MAPK6: variants seen among roughly 807,000 people sequenced by gnomAD.
MAPK6 encodes the protein ERK-3.
A neutral mutation model predicts 59.3 loss-of-function variants in MAPK6; 19 were observed. That is an observed-to-expected ratio of 0.32 (90% CI 0.22 to 0.47). The LOEUF (loss-of-function observed/expected upper bound fraction) is 0.47. Among genes scored for constraint, MAPK6 ranks in the 20% least tolerant of loss-of-function variants. MAPK6 has a pLI of 1.00. For missense variants in MAPK6, 724 were observed against 847.9 expected, an observed-to-expected ratio of 0.85 and a Z score of 1.81; for synonymous variants, 316 against 290.3, an observed-to-expected ratio of 1.09 and a Z score of -0.90.
chr15:52,000,757 G>A (rs753952869), intron 2 of MAPK6, among the ~76,000 whole-genome samples: 27 of 151,576 alleles, frequency 1.8e-4, no homozygotes, highest in Non-Finnish European at 3.4e-4. Flanking sequence ...CCGAGATCAC[G>A]CCACTGCACT....
intron 1 of MAPK6, among the ~76,000 whole-genome samples, chr15:52,038,353 C>A (rs1449784689): frequency 6.6e-6 from 1 of 152,066 alleles, no homozygotes; most frequent in Non-Finnish European, 1.5e-5. Flanking sequence ...TTGCATTTAC[C>A]CACTCCCTTG....
At chr15:52,024,878 C>CTTTTTT (rs35983896) in intron 1 of MAPK6, among the ~76,000 whole-genome samples, 3 of 84,158 alleles carry the variant, frequency 3.6e-5, no homozygotes, top group Admixed American at 1.8e-4. Context: ...CATACACTGC[C>CTTTTTT]TTTTTTTTTT....
At position 52,065,312 on chromosome 15, in the gene MAPK6, G is replaced by A. The variant is rs1384907974; in HGVS notation, c.*312G>A. The A allele has an allele frequency of 9.2e-6, 2 of 216,404 alleles. No individual in the cohort carries two copies. Among genetic ancestry groups the A allele is most frequent in the Non-Finnish European group, 1.8e-5 (2 of 110,440 alleles). The allele number at this position is 216,404 out of a possible 1,614,324, so 13.4% of individuals were successfully genotyped here. ...ATCTGTTTTACAGGAAACAAACCTT[G>A]CCTTGAAATTTACACAGTGAGACTG... On this transcript the variant is annotated 3_prime_UTR_variant, in exon 6 of 6. Coordinates refer to ENST00000261845, the MANE Select transcript of MAPK6 (RefSeq NM_002748.4).
chr15:52,023,106 CAAAAAAAA>C (rs60315520), intron 1 of MAPK6, among the ~76,000 whole-genome samples: 2 of 73,652 alleles, frequency 2.7e-5, no homozygotes, highest in Non-Finnish European at 4.9e-5. Context: ...GACTCCGTCT[CAAAAAAAA>C]AAAAAAAAAA....
intron 2 of MAPK6, among the ~76,000 whole-genome samples, chr15:51,996,654 C>A (rs2057225100): frequency 1.3e-5 from 2 of 152,062 alleles, no homozygotes; most frequent in South Asian, 4.1e-4. Context: ...TCTGGGCCTC[C>A]CAAAGCACTA....
At chr15:51,975,495 C>T (rs1250011452) in intron 1 of MAPK6, among the ~76,000 whole-genome samples, 3 of 151,216 alleles carry the variant, frequency 2.0e-5, no homozygotes, top group Admixed American at 6.6e-5. Flanking sequence ...GAGCCAAGAT[C>T]GCGCCACTGC....
At chr15:52,028,855 C>G (rs1048514221) in intron 1 of MAPK6, among the ~76,000 whole-genome samples, 15 of 152,234 alleles carry the variant, frequency 9.9e-5, no homozygotes, top group African/African-American at 3.4e-4. Context: ...AGATTGGCCT[C>G]CATTCTTACC....
chr15:51,991,535 T>C (rs1208683368), intron 2 of MAPK6, among the ~76,000 whole-genome samples: 1 of 152,202 alleles, frequency 6.6e-6, no homozygotes, highest in Non-Finnish European at 1.5e-5. Context: ...GAGCCTCTAC[T>C]GTGTGCAAGG....
chr15:52,065,982 A>G lies in MAPK6; in HGVS notation c.*982A>G, dbSNP rs533605151. ...AAGTCTTAATTGTGTTTATTTTTTA[A>G]AAAAACAAATGTTAGACTTGTGTGC... On this transcript the variant is annotated 3_prime_UTR_variant, in exon 6 of 6. Transcript: ENST00000261845. 2 of 152,702 alleles carry G rather than the reference A, an allele frequency of 1.3e-5. No homozygotes were observed. The highest frequency in any genetic ancestry group is 4.8e-5 in the African/African-American group (2 of 41,564). 9.5% of individuals were successfully genotyped at this position (152,702 alleles called of 1,614,324 possible). A position where few individuals can be genotyped will look rare whatever the true frequency, so the allele number is the denominator to read the frequency against.
chr15:52,009,347 T>C (rs2029990550), intron 3 of MAPK6, among the ~76,000 whole-genome samples: 1 of 152,178 alleles, frequency 6.6e-6, no homozygotes, highest in African/African-American at 2.4e-5. Flanking sequence ...TTGGACACTG[T>C]CTCCAGAAAT....
chr15:52,019,219 C>T lies in MAPK6; in HGVS notation c.-789C>T, dbSNP rs1023193353. 2.0e-5 allele frequency: 3 copies of T among 152,056 alleles called. No individual in the cohort carries two copies. Among genetic ancestry groups the T allele is most frequent in the African/African-American group, 7.2e-5 (3 of 41,408 alleles). The allele number at this position is 152,056 out of a possible 1,614,324, so 9.4% of individuals were successfully genotyped here. A position where few individuals can be genotyped will look rare whatever the true frequency, so the allele number is the denominator to read the frequency against. On this transcript the variant is annotated 5_prime_UTR_variant, in exon 1 of 6. Coordinates refer to ENST00000261845, the MANE Select transcript of MAPK6 (RefSeq NM_002748.4). Reference sequence around the variant, plus strand: ...GTGGCACCGCGAAGCCCCGCCCCCTCTTCCTCGCCCTCTCTCGCGGGTCGG... The same window carrying T: ...GTGGCACCGCGAAGCCCCGCCCCCTTTTCCTCGCCCTCTCTCGCGGGTCGG...
Position 51,992,775 on chromosome 15 carries a change from G to A in MAPK6, c.-770+9460G>A, listed in dbSNP as rs576349601. Among the ~76,000 whole-genome samples the A allele has an allele frequency of 7.9e-5, 12 of 152,168 alleles. No individual in the cohort carries two copies. In the South Asian group the frequency reaches 1.2e-3, roughly 16 times the overall value. On this transcript the variant is annotated intron_variant, in intron 2 of 7. Transcript: ENST00000691380. Reference sequence around the variant, plus strand: ...TTTTACTTATGTTTACCAATTTATCGCCTAAAGAATATCACAAAGGATACG... The same window carrying A: ...TTTTACTTATGTTTACCAATTTATCACCTAAAGAATATCACAAAGGATACG...
chr15:52,013,548 G>C (rs2030150751), intron 3 of MAPK6, among the ~76,000 whole-genome samples: 1 of 152,152 alleles, frequency 6.6e-6, no homozygotes, highest in African/African-American at 2.4e-5. Flanking sequence ...ACACATCTCT[G>C]ACTCATCTAA....
At chr15:52,056,336 T>G (rs1307451861) in intron 3 of MAPK6, among the ~76,000 whole-genome samples, 1 of 152,214 alleles carries the variant, frequency 6.6e-6, no homozygotes, top group East Asian at 1.9e-4. Context: ...ATTCAAACAT[T>G]GATAGAATTT....
chr15:51,994,217 C>T (rs557241259), intron 2 of MAPK6, among the ~76,000 whole-genome samples: 2 of 152,136 alleles, frequency 1.3e-5, no homozygotes, highest in Non-Finnish European at 2.9e-5. Flanking sequence ...ACCTCACCCT[C>T]CTAAAGTGCT....
intron 5 of MAPK6, among the ~76,000 whole-genome samples, chr15:52,063,623 A>G (rs958184923): frequency 6.6e-6 from 1 of 151,888 alleles, no homozygotes; most frequent in Non-Finnish European, 1.5e-5. Context: ...TTGAGATTTG[A>G]GATCTGCATT....
chr15:52,011,023 A>C (rs1446850874), intron 3 of MAPK6: 2 of 152,136 alleles, frequency 1.3e-5, no homozygotes, highest in Non-Finnish European at 2.9e-5. Flanking sequence ...TCTGTTTGCA[A>C]ATTTGCCTAT....
intron 1 of MAPK6, among the ~76,000 whole-genome samples, chr15:52,036,232 T>C (rs572725554): frequency 6.6e-6 from 1 of 152,290 alleles, no homozygotes; most frequent in East Asian, 1.9e-4. Flanking sequence ...GACATAAAAA[T>C]GTGAAATTCT....
chr15:51,989,548 C>A (rs2057201667), intron 2 of MAPK6, among the ~76,000 whole-genome samples: 1 of 152,114 alleles, frequency 6.6e-6, no homozygotes. Context: ...TTTCTTCACT[C>A]AGTTCTTTCT....
Sources: gnomAD v4.1 joint callset for allele counts (sites outside exome capture counted in the v4.1 genomes callset) on GRCh38, gnomAD v4.1.1 for gene constraint, MANE v1.5 for transcripts, NCBI Gene and HGNC (gene_info 2026-07-23, HGNC 2026-07-21) for gene names.